CDK19: variants seen among roughly 807,000 people sequenced by gnomAD.
CDK19 encodes cyclin-dependent kinase 19.
CDK19 carries 20 observed loss-of-function variants against 68.3 expected under a neutral mutation model. That is an observed-to-expected ratio of 0.29 (90% CI 0.21 to 0.43). The LOEUF is 0.43. CDK19 is among the 20% of genes least tolerant of loss of function. The probability of loss-of-function intolerance (pLI) is 1.00; values close to 1 mark genes in which losing one functional copy is unlikely to be tolerated. For missense variants in CDK19, 339 were observed against 623.5 expected, an observed-to-expected ratio of 0.54 and a Z score of 4.86; for synonymous variants, 221 against 222.8, an observed-to-expected ratio of 0.99 and a Z score of 0.07.
At chr6:110,630,420 C>G (rs904544998) in intron 6 of CDK19, among the ~76,000 whole-genome samples, 6 of 152,200 alleles carry the variant, frequency 3.9e-5, no homozygotes, top group Non-Finnish European at 5.9e-5. Flanking sequence ...CAGTCTCTTC[C>G]TATCCTCTGG....
intron 1 of CDK19, among the ~76,000 whole-genome samples, chr6:110,780,961 T>C (rs975514272): frequency 7.2e-5 from 11 of 152,156 alleles, no homozygotes; most frequent in South Asian, 4.1e-4. Flanking sequence ...TTAGGTAAGA[T>C]AGAAGAAGCC....
rs1030791644 is a variant in CDK19 at position 110,740,226 on chromosome 6, C to T, written c.204+5900G>A. 2.0e-5 allele frequency among the ~76,000 whole-genome samples: 3 copies of T among 152,050 alleles called. No homozygotes were observed. The South Asian group carries it at 6.2e-4, about 31-fold the overall frequency. ...GACAAACATATTTTAATCTCATAATCGCAAAACAAATTAATGGTTGAATTA... is the reference window on the plus strand; with the variant it reads ...GACAAACATATTTTAATCTCATAATTGCAAAACAAATTAATGGTTGAATTA... On this transcript the variant is annotated intron_variant, in intron 2 of 12. Transcript: ENST00000368911.
chr6:110,726,947 A>C (rs190671282), intron 2 of CDK19, among the ~76,000 whole-genome samples: 1 of 152,332 alleles, frequency 6.6e-6, no homozygotes, highest in African/African-American at 2.4e-5. Flanking sequence ...TTCCTCTAAG[A>C]TAATCAAGCT....
chr6:110,621,537 T>C lies in CDK19; in HGVS notation c.1111-167A>G, dbSNP rs373476841. ...AATGGAGCAGCCAGGGAACACAGTG[T>C]TCCCAAAGGGCAAGGCGCTGAGCCC... is the stretch of plus-strand genomic sequence containing the variant. On this transcript the variant is annotated intron_variant, in intron 11 of 12. Transcript: ENST00000368911. The surrounding 1 kb of genome is among the most constrained non-coding windows in gnomAD (Gnocchi z 5.4). Among the ~76,000 whole-genome samples the C allele has an allele frequency of 4.3e-4, 65 of 152,324 alleles. No individual in the cohort carries two copies. The highest frequency in any genetic ancestry group is 3.4e-3 in the Middle Eastern group (1 of 294).
At chr6:110,638,811 T>C (rs989126848) in intron 4 of CDK19, 105 bp from the exon 5 acceptor site, 9 of 704,968 alleles carry the variant, frequency 1.3e-5, no homozygotes, top group African/African-American at 3.6e-5. Context: ...TGTATTTTCA[T>C]CAAAAGTAAA....
At chr6:110,797,066 G>T (rs1781989473) in intron 1 of CDK19, among the ~76,000 whole-genome samples, 1 of 151,090 alleles carries the variant, frequency 6.6e-6, no homozygotes, top group Admixed American at 6.6e-5. Flanking sequence ...TTTTGGCTGG[G>T]CACGGTGGCT....
rs1562273723 is a variant in CDK19, at chr6:110,769,577, A to AATAAT, written c.129-23377_129-23376insATTAT. On this transcript the variant is annotated intron_variant, in intron 1 of 12. Coordinates refer to ENST00000368911, the MANE Select transcript of CDK19 (RefSeq NM_015076.5). ...AAGATTCCATCTCAAAAAAAAAAAAAAATAATAATAATAATAATAATAGGG... is the reference window on the plus strand; with the variant it reads ...AAGATTCCATCTCAAAAAAAAAAAAAATAATAATAATAATAATAATAATAATAGGG... Among the ~76,000 whole-genome samples, 597 of 146,340 alleles carry AATAAT rather than the reference A, an allele frequency of 4.1e-3. 5 individuals carry two copies. Among genetic ancestry groups the AATAAT allele is most frequent in the African/African-American group, 0.014 (570 of 39,398 alleles).
chr6:110,687,614 G>A (rs59551323), intron 2 of CDK19, among the ~76,000 whole-genome samples: 195 of 152,264 alleles, frequency 1.3e-3, no homozygotes, highest in African/African-American at 4.7e-3. Flanking sequence ...AGGGGGATGA[G>A]CTTCCACAAT....
intron 9 of CDK19, 57 bp from the exon 10 acceptor site, chr6:110,622,969 C>A: frequency 1.9e-6 from 2 of 1,065,502 alleles, no homozygotes; most frequent in Non-Finnish European, 1.5e-6. Flanking sequence ...CAAGTCAACA[C>A]CTTGTCTTTT....
intron 2 of CDK19, among the ~76,000 whole-genome samples, chr6:110,710,263 C>T (rs1774846068): frequency 6.6e-6 from 1 of 152,188 alleles, no homozygotes; most frequent in Admixed American, 6.5e-5. Flanking sequence ...TGTCAAGACT[C>T]ATGTGAGAGA....
chr6:110,636,281 C>T (rs115777360), intron 5 of CDK19, among the ~76,000 whole-genome samples: 1 of 152,184 alleles, frequency 6.6e-6, no homozygotes, highest in Non-Finnish European at 1.5e-5. Context: ...AGAGATTAGA[C>T]TCTGGTATCA....
At chr6:110,641,646 AAAGGAAGGAAGGAAGGAAGG>A (rs71553305) in intron 4 of CDK19, among the ~76,000 whole-genome samples, 1 of 131,416 alleles carries the variant, frequency 7.6e-6, no homozygotes, top group Non-Finnish European at 1.6e-5. Context: ...AAAGGGAAAG[AAAGGAAGGAAGGAAGGAAGG>A]AAGGAAGGAA....
intron 2 of CDK19, among the ~76,000 whole-genome samples, chr6:110,720,610 T>G (rs1371054416): frequency 6.6e-6 from 1 of 152,182 alleles, no homozygotes; most frequent in Non-Finnish European, 1.5e-5. Flanking sequence ...CTCATGTCTG[T>G]AATCCCAACA....
chr6:110,752,512 G>C (rs907344582), intron 1 of CDK19, among the ~76,000 whole-genome samples: 30 of 152,012 alleles, frequency 2.0e-4, no homozygotes, highest in African/African-American at 7.2e-4. Flanking sequence ...GATAATACTA[G>C]CACACTCTTT....
chr6:110,704,619 C>G (rs1315475140), intron 2 of CDK19, among the ~76,000 whole-genome samples: 1 of 152,166 alleles, frequency 6.6e-6, no homozygotes, highest in Non-Finnish European at 1.5e-5. Context: ...CTTATATTAA[C>G]TATTTGGTAA....
At chr6:110,799,523 AC>A (rs1322267497) in intron 1 of CDK19, among the ~76,000 whole-genome samples, 1 of 152,212 alleles carries the variant, frequency 6.6e-6, no homozygotes, top group East Asian at 1.9e-4. Context: ...TACTTATAAT[AC>A]TTAATACAAT....
intron 2 of CDK19, among the ~76,000 whole-genome samples, chr6:110,736,521 T>C (rs1200455936): frequency 6.6e-6 from 1 of 152,200 alleles, no homozygotes; most frequent in Admixed American, 6.5e-5. Flanking sequence ...AAGGCATATT[T>C]AAAAATATAT....
At chr6:110,787,892 T>C (rs1583103195) in intron 1 of CDK19, among the ~76,000 whole-genome samples, 1 of 152,298 alleles carries the variant, frequency 6.6e-6, no homozygotes, top group South Asian at 2.1e-4. Context: ...CAGGCTGGAG[T>C]GCAGTGGCGT....
At chr6:110,642,288 G>A (rs895261533) in intron 4 of CDK19, among the ~76,000 whole-genome samples, 5 of 139,008 alleles carry the variant, frequency 3.6e-5, no homozygotes, top group East Asian at 4.6e-4. Flanking sequence ...CAGCCTAGGC[G>A]ACAGAGTGAG....
Sources: allele counts gnomAD v4.1 joint callset (sites outside exome capture counted in the v4.1 genomes callset), GRCh38; gene constraint gnomAD v4.1.1; non-coding constraint Gnocchi (gnomAD v3.1); transcripts MANE v1.5; gene names NCBI Gene and HGNC (gene_info 2026-07-23, HGNC 2026-07-21).